The following DCDC2 variants were observed in gnomAD, a reference collection of about 807,000 sequenced individuals.
DCDC2 encodes doublecortin domain-containing protein 2.
In DCDC2, 40 loss-of-function variants were observed where a neutral mutation model predicts 50.2. The observed-to-expected ratio is 0.80, with a 90% CI of 0.62 to 1.04. The LOEUF (loss-of-function observed/expected upper bound fraction) is 1.04. Among genes scored for constraint, DCDC2 ranks in the 50% least tolerant of loss-of-function variants. The pLI is 0.00. For missense variants in DCDC2, 570 were observed against 581.9 expected, an observed-to-expected ratio of 0.98 and a Z score of 0.21; for synonymous variants, 234 against 210.6, an observed-to-expected ratio of 1.11 and a Z score of -0.96.
At chr6:24,256,344 T>C (rs1177193784) in intron 7 of DCDC2, among the ~76,000 whole-genome samples, 3 of 151,220 alleles carry the variant, frequency 2.0e-5, no homozygotes, top group Non-Finnish European at 4.4e-5. Flanking sequence ...TTCATAAAAA[T>C]ACTTATGATT....
At chr6:24,329,808 A>G (rs1759935536) in intron 2 of DCDC2, among the ~76,000 whole-genome samples, 1 of 152,220 alleles carries the variant, frequency 6.6e-6, no homozygotes, top group Non-Finnish European at 1.5e-5. Context: ...AAATGAAGAC[A>G]TGAATGAATA....
chr6:24,257,785 G>A (rs1762924847), intron 7 of DCDC2, among the ~76,000 whole-genome samples: 1 of 152,120 alleles, frequency 6.6e-6, no homozygotes, highest in Non-Finnish European at 1.5e-5. Flanking sequence ...TGGCAGAGCT[G>A]TGATGTACAG....
At chr6:24,254,580 A>T (rs953786872) in intron 7 of DCDC2, among the ~76,000 whole-genome samples, 19 of 152,158 alleles carry the variant, frequency 1.2e-4, no homozygotes, top group South Asian at 2.1e-4. Flanking sequence ...ACATGGCTGC[A>T]TAGTACATCC....
chr6:24,230,290 T>A (rs1311378646), intron 7 of DCDC2, among the ~76,000 whole-genome samples: 1 of 152,006 alleles, frequency 6.6e-6, no homozygotes, highest in Non-Finnish European at 1.5e-5. Flanking sequence ...TGCCATGAAG[T>A]GCTAGAAAGA....
At chr6:24,372,822 C>G in the DCDC2 span, among the ~76,000 whole-genome samples, 2 of 151,936 alleles carry the variant, frequency 1.3e-5, no homozygotes, top group African/African-American at 4.8e-5. Context: ...TGTTAAAAGA[C>G]AAGTTAATGG....
chr6:24,223,089 G>T (rs1479973748), intron 7 of DCDC2, among the ~76,000 whole-genome samples: 8 of 152,122 alleles, frequency 5.3e-5, no homozygotes, highest in Non-Finnish European at 1.0e-4. Context: ...GGTTTAAATG[G>T]AACATGGCAA....
chr6:24,244,407 T>C (rs1446745953), intron 7 of DCDC2, among the ~76,000 whole-genome samples: 1 of 152,196 alleles, frequency 6.6e-6, no homozygotes, highest in Non-Finnish European at 1.5e-5. Flanking sequence ...ACTGCAAAAT[T>C]ACCTGAGATG....
At chr6:24,296,513 T>C (rs1759246397) in intron 4 of DCDC2, among the ~76,000 whole-genome samples, 1 of 152,032 alleles carries the variant, frequency 6.6e-6, no homozygotes, top group Non-Finnish European at 1.5e-5. Flanking sequence ...CAAAAGAAAC[T>C]ATCAACAGAG....
intron 7 of DCDC2, among the ~76,000 whole-genome samples, chr6:24,262,837 C>G (rs1237458802): frequency 2.0e-5 from 3 of 152,220 alleles, no homozygotes; most frequent in African/African-American, 7.2e-5. Flanking sequence ...GCTGGGTTCA[C>G]CAACTGCTGA....
At chr6:24,264,432 C>CAGAT (rs1369009731) in intron 7 of DCDC2, among the ~76,000 whole-genome samples, 2 of 151,400 alleles carry the variant, frequency 1.3e-5, no homozygotes, top group Non-Finnish European at 2.9e-5. Context: ...CTTTTCAAGA[C>CAGAT]AGTATAACAA....
chr6:24,179,547 CAAAAAAAAA>C (rs56731018), intron 8 of DCDC2, among the ~76,000 whole-genome samples: 3 of 49,574 alleles, frequency 6.1e-5, no homozygotes, highest in African/African-American at 1.9e-4. Flanking sequence ...GACACCATCT[CAAAAAAAAA>C]AAAAAAAAAA....
chr6:24,194,366 A>G (rs897587381), intron 8 of DCDC2, among the ~76,000 whole-genome samples: 39 of 152,218 alleles, frequency 2.6e-4, no homozygotes, highest in Non-Finnish European at 4.9e-4. Context: ...ATGCTATTTA[A>G]TGAAACTACT....
chr6:24,218,343 T>C (rs947439759), intron 7 of DCDC2, among the ~76,000 whole-genome samples: 1 of 152,172 alleles, frequency 6.6e-6, no homozygotes, highest in Admixed American at 6.5e-5. Flanking sequence ...TGGATTAAGG[T>C]TGCTCCAACA....
chr6:24,373,926 T>G, the DCDC2 span, among the ~76,000 whole-genome samples: 1 of 149,306 alleles, frequency 6.7e-6, no homozygotes, highest in Admixed American at 6.6e-5. Context: ...ACTTTGGGAG[T>G]CCGATGCGGG....
chr6:24,371,921 A>C, the DCDC2 span, among the ~76,000 whole-genome samples: 1 of 152,232 alleles, frequency 6.6e-6, no homozygotes, highest in African/African-American at 2.4e-5. Context: ...AACTGCAATG[A>C]GATACCATCT....
chr6:24,283,038 T>TA (rs2113823572), intron 6 of DCDC2, among the ~76,000 whole-genome samples: 1 of 152,206 alleles, frequency 6.6e-6, no homozygotes, highest in East Asian at 1.9e-4. Context: ...CCATAAGATG[T>TA]ATAAGCCAAA....
chr6:24,381,803 AAAGGAAGGAAGG>A, the DCDC2 span, among the ~76,000 whole-genome samples: 4,179 of 67,256 alleles, frequency 0.062, 154 homozygotes, highest in African/African-American at 0.081. Context: ...GGAAGGAAAG[AAAGGAAGGAAGG>A]AAGGAAGGAA....
intron 6 of DCDC2, among the ~76,000 whole-genome samples, chr6:24,283,429 G>GCTTT (rs1763521355): frequency 6.6e-6 from 1 of 152,160 alleles, no homozygotes; most frequent in Non-Finnish European, 1.5e-5. Flanking sequence ...TATGGCAGCT[G>GCTTT]CTTTCTCTCT....
chr6:24,323,671 G>C (rs1347814711), intron 2 of DCDC2, among the ~76,000 whole-genome samples: 1 of 151,996 alleles, frequency 6.6e-6, no homozygotes, highest in African/African-American at 2.4e-5. Flanking sequence ...CTCTCTCCCT[G>C]TCTTCTCCCA....
Sources: gnomAD v4.1 joint callset for allele counts (sites outside exome capture counted in the v4.1 genomes callset) on GRCh38, gnomAD v4.1.1 for gene constraint, MANE v1.5 for transcripts, NCBI Gene and HGNC (gene_info 2026-07-23, HGNC 2026-07-21) for gene names.